Variants in GRM5 observed in about 807,000 individuals in gnomAD.
GRM5 encodes the protein glutamate metabotropic receptor 5.
In GRM5, 19 loss-of-function variants were observed where a neutral mutation model predicts 83.1. The ratio of observed to expected loss-of-function variants is 0.23; its 90% CI spans 0.16 to 0.34. The LOEUF (loss-of-function observed/expected upper bound fraction) is 0.34, where lower values mean the gene tolerates loss of function less well. GRM5 is among the 10% of genes least tolerant of loss of function. GRM5 has a pLI of 1.00. For synonymous variants in GRM5, 675 were observed against 633.6 expected (o/e 1.07, Z -0.98); for missense variants, 1,160 against 1,588.3 (o/e 0.73, Z 4.58).
rs182814205 is a variant in GRM5 at position 88,945,119 on chromosome 11, C to A, written c.662-94964G>T. Reference sequence around the variant, plus strand: ...AATGCAATTTCATTTACAATAGACACACACACACATACACACACACACACA... The same window carrying A: ...AATGCAATTTCATTTACAATAGACAAACACACACATACACACACACACACA... On this transcript the variant is annotated intron_variant, in intron 2 of 9. Coordinates refer to ENST00000305447, the MANE Select transcript of GRM5 (RefSeq NM_001143831.3). Among the ~76,000 whole-genome samples the A allele has an allele frequency of 7.7e-3, 1,017 of 132,748 alleles. 14 individuals carry two copies. The highest frequency in any genetic ancestry group is 0.027 in the African/African-American group (974 of 36,668). 87.1% of individuals were successfully genotyped at this position (132,748 alleles called of 152,430 possible).
intron 4 of GRM5, among the ~76,000 whole-genome samples, chr11:88,628,770 A>G (rs968059252): frequency 3.9e-5 from 6 of 152,218 alleles, no homozygotes; most frequent in African/African-American, 1.4e-4. Flanking sequence ...TTAATACAAT[A>G]AAAGTTTATT....
chr11:88,509,607 A>T (rs2135074540), intron 9 of GRM5, 103 bp from the exon 10 acceptor site: 3 of 722,598 alleles, frequency 4.2e-6, no homozygotes, highest in East Asian at 2.9e-5. Context: ...ACTGGGGAGG[A>T]CTTTTCTCAT....
chr11:89,036,090 TAA>T (rs773144657), intron 2 of GRM5, among the ~76,000 whole-genome samples: 4 of 152,092 alleles, frequency 2.6e-5, no homozygotes, highest in Non-Finnish European at 5.9e-5. Flanking sequence ...AGTATAGCGT[TAA>T]GTTTCCATCT....
rs114169651 is a variant in GRM5, at chr11:88,862,160, G to A, written c.662-12005C>T. Among the ~76,000 whole-genome samples the A allele has an allele frequency of 4.4e-3, 667 of 152,224 alleles. 5 individuals are homozygous for A. The highest frequency in any genetic ancestry group is 0.015 in the African/African-American group (622 of 41,560). On this transcript the variant is annotated intron_variant, in intron 2 of 9. Transcript: ENST00000305447. Reference sequence around the variant, plus strand: ...GCACAGCTTAGTCACAAGTGCCCTCGACAGAGTGAGGAGACAGTGATTGAA... The same window carrying A: ...GCACAGCTTAGTCACAAGTGCCCTCAACAGAGTGAGGAGACAGTGATTGAA...
intron 3 of GRM5, among the ~76,000 whole-genome samples, chr11:88,775,178 T>C (rs975323879): frequency 2.0e-5 from 3 of 152,208 alleles, no homozygotes; most frequent in African/African-American, 4.8e-5. Flanking sequence ...GGAGCGTGTA[T>C]GCGTCCAGGA....
chr11:88,710,666 T>A (rs1415144861), intron 3 of GRM5, among the ~76,000 whole-genome samples: 1 of 152,058 alleles, frequency 6.6e-6, no homozygotes, highest in Non-Finnish European at 1.5e-5. Context: ...GCGAATTAAC[T>A]TGAAAAATAT....
In GRM5 at chr11:88,720,821, C is replaced by CGTGTGTGT. The variant is rs869078157; in HGVS notation, c.912-67426_912-67419dup. Reference sequence around the variant, plus strand: ...CTGTGTGTGTGTGTGTGTGTGTGTGCGTGTGTGTGTGTGTGTGTGTGTGCC... The same window carrying CGTGTGTGT: ...CTGTGTGTGTGTGTGTGTGTGTGTGCGTGTGTGTGTGTGTGTGTGTGTGTGTGTGTGCC... On this transcript the variant is annotated intron_variant, in intron 3 of 9. Coordinates refer to ENST00000305447, the MANE Select transcript of GRM5 (RefSeq NM_001143831.3). Among the ~76,000 whole-genome samples, 637 of 137,246 alleles carry CGTGTGTGT rather than the reference C, an allele frequency of 4.6e-3. 4 individuals carry two copies. The highest frequency in any genetic ancestry group is 0.015 in the African/African-American group (550 of 37,122). 90.0% of individuals were successfully genotyped at this position (137,246 alleles called of 152,430 possible).
intron 4 of GRM5, among the ~76,000 whole-genome samples, chr11:88,621,720 T>G (rs996707074): frequency 1.3e-5 from 2 of 152,178 alleles, no homozygotes; most frequent in African/African-American, 4.8e-5. Flanking sequence ...ATGCAAAAAA[T>G]TTAAGTTCGT....
chr11:88,678,413 T>C (rs764072712), intron 3 of GRM5, among the ~76,000 whole-genome samples: 32 of 152,122 alleles, frequency 2.1e-4, no homozygotes, highest in Non-Finnish European at 4.0e-4. Flanking sequence ...ATTTGTCCAT[T>C]ATCTGGACCA....
At position 88,618,761 on chromosome 11, in the gene GRM5, T is replaced by C. The variant is rs376545347; in HGVS notation, c.1148-13797A>G. ...CAAAGTTCTTTTCTTATCCAGTAAA[T>C]GGTAGGCATGTTAATTAGTTGGCAT... On this transcript the variant is annotated intron_variant, in intron 4 of 9. Coordinates refer to ENST00000305447, the MANE Select transcript of GRM5 (RefSeq NM_001143831.3). Among the ~76,000 whole-genome samples, 18 of 152,300 alleles carry C rather than the reference T, an allele frequency of 1.2e-4. No homozygotes were observed. In the East Asian group the frequency reaches 3.1e-3, roughly 26 times the overall value.
At chr11:88,651,364 A>G (rs1235199621) in intron 4 of GRM5, among the ~76,000 whole-genome samples, 1 of 152,040 alleles carries the variant, frequency 6.6e-6, no homozygotes, top group African/African-American at 2.4e-5. Flanking sequence ...TAGTGTTGTC[A>G]CTAATTCCTC....
rs1348438052 is a variant in GRM5, at chr11:89,030,513, T to G, written c.661+16699A>C. On this transcript the variant is annotated intron_variant, in intron 2 of 9. Transcript: ENST00000305447. The stretch of plus-strand genomic sequence containing the variant: ...TTAATGTCTTTGTGCCTTCATTTCC[T>G]CATCTGGTAAATGGTAATTAAAAGT... Among the ~76,000 whole-genome samples, 5 of 152,256 alleles carry G rather than the reference T, an allele frequency of 3.3e-5. No homozygotes were observed. The East Asian group carries it at 7.7e-4, about 23-fold the overall frequency.
At chr11:88,767,364 C>T (rs1000391582) in intron 3 of GRM5, among the ~76,000 whole-genome samples, 1 of 151,906 alleles carries the variant, frequency 6.6e-6, no homozygotes, top group African/African-American at 2.4e-5. Context: ...ACCATAAAAA[C>T]ACATGTATGT....
intron 3 of GRM5, among the ~76,000 whole-genome samples, chr11:88,803,923 C>A (rs867879747): frequency 3.5e-4 from 54 of 152,142 alleles, no homozygotes; most frequent in African/African-American, 1.0e-3. Flanking sequence ...CAGCCAAAAA[C>A]CACATGAAAA....
At chr11:89,003,096 C>T (rs12799808) in intron 2 of GRM5, among the ~76,000 whole-genome samples, 3,789 of 152,126 alleles carry the variant, frequency 0.025, 59 homozygotes, top group Middle Eastern at 0.065. Flanking sequence ...GAAGAACTTA[C>T]GTTTTTCTTG....
chr11:88,899,770 G>A (rs1945287761), intron 2 of GRM5, among the ~76,000 whole-genome samples: 1 of 151,914 alleles, frequency 6.6e-6, no homozygotes, highest in East Asian at 1.9e-4. Context: ...TTTAAGAAAA[G>A]TCTGAATAAC....
At chr11:88,985,652 C>G (rs1939681622) in intron 2 of GRM5, among the ~76,000 whole-genome samples, 1 of 152,102 alleles carries the variant, frequency 6.6e-6, no homozygotes, top group Non-Finnish European at 1.5e-5. Context: ...CAAACATGGC[C>G]AAGGATGCCT....
At chr11:88,614,819 CG>C (rs1938425093) in intron 4 of GRM5, among the ~76,000 whole-genome samples, 1 of 152,140 alleles carries the variant, frequency 6.6e-6, no homozygotes, top group Non-Finnish European at 1.5e-5. Flanking sequence ...GTCACTCAGG[CG>C]GTAAAAATCA....
intron 3 of GRM5, among the ~76,000 whole-genome samples, chr11:88,753,440 C>A (rs767012405): frequency 6.6e-6 from 1 of 151,904 alleles, no homozygotes; most frequent in Non-Finnish European, 1.5e-5. Context: ...ATTAAAAAGT[C>A]AAAAAATAAC....
Sources: gnomAD v4.1 joint callset for allele counts (sites outside exome capture counted in the v4.1 genomes callset) on GRCh38, gnomAD v4.1.1 for gene constraint, MANE v1.5 for transcripts, NCBI Gene and HGNC (gene_info 2026-07-23, HGNC 2026-07-21) for gene names.